The following PRCP variants were observed in gnomAD, a reference collection of about 807,000 sequenced individuals.
PRCP encodes the protein lysosomal Pro-X carboxypeptidase.
A neutral mutation model predicts 54.2 loss-of-function variants in PRCP; 46 were observed. That is an observed-to-expected ratio of 0.85 (90% confidence interval 0.67 to 1.09). The LOEUF (loss-of-function observed/expected upper bound fraction) is 1.09. Among genes scored for constraint, PRCP ranks in the 50% least tolerant of loss-of-function variants. The pLI is 0.00. For missense variants in PRCP, 613 were observed against 596.8 expected, an observed-to-expected ratio of 1.03 and a Z score of -0.28; for synonymous variants, 240 against 212.2, an observed-to-expected ratio of 1.13 and a Z score of -1.14.
chr11:82,870,880 G>A (rs773267920), intron 1 of PRCP, among the ~76,000 whole-genome samples: 2 of 152,178 alleles, frequency 1.3e-5, no homozygotes, highest in African/African-American at 2.4e-5. Context: ...TCTTCATGCA[G>A]CCTGAATATG....
At chr11:82,830,653 A>AAAAAAAAAAAAAAAAAAT (rs1565215932) in intron 8 of PRCP, 1 of 150,706 alleles carries the variant, frequency 6.6e-6, no homozygotes, top group African/African-American at 2.4e-5. Flanking sequence ...AAAAAAAAAA[A>AAAAAAAAAAAAAAAAAAT]AACTACACTC....
intron 8 of PRCP, chr11:82,827,167 C>G (rs943250941): frequency 1.3e-5 from 2 of 152,142 alleles, no homozygotes; most frequent in Admixed American, 1.3e-4. Context: ...GATACAAGTC[C>G]CTTATCAAAT....
At chr11:82,834,379 C>T (rs1858466222) in intron 8 of PRCP, among the ~76,000 whole-genome samples, 1 of 152,214 alleles carries the variant, frequency 6.6e-6, no homozygotes, top group Non-Finnish European at 1.5e-5. Flanking sequence ...CTTAAACATC[C>T]TAAGCAGACG....
chr11:82,843,827 C>A (rs1858733749), intron 6 of PRCP, among the ~76,000 whole-genome samples: 2 of 152,120 alleles, frequency 1.3e-5, no homozygotes, highest in Non-Finnish European at 1.5e-5. Flanking sequence ...AATGATCATT[C>A]CCATTTCACA....
At chr11:82,848,116 T>G (rs1332039420) in intron 6 of PRCP, among the ~76,000 whole-genome samples, 1 of 152,232 alleles carries the variant, frequency 6.6e-6, no homozygotes, top group East Asian at 1.9e-4. Flanking sequence ...AAGGGGTGGT[T>G]AAATTAAAAG....
intron 8 of PRCP, among the ~76,000 whole-genome samples, chr11:82,835,274 T>A (rs1157185843): frequency 6.6e-6 from 1 of 152,058 alleles, no homozygotes; most frequent in East Asian, 1.9e-4. Flanking sequence ...ATAAGAGGCC[T>A]TTTTTTGCAA....
intron 6 of PRCP, chr11:82,840,869 C>G (rs900268457): frequency 6.6e-6 from 1 of 151,874 alleles, no homozygotes; most frequent in Non-Finnish European, 1.5e-5. Context: ...TTGTTCCCAG[C>G]TGTCTCTGGT....
chr11:82,881,355 G>A (rs115245430), intron 1 of PRCP, among the ~76,000 whole-genome samples: 298 of 152,276 alleles, frequency 2.0e-3, no homozygotes, highest in African/African-American at 5.7e-3. Flanking sequence ...CCCGTTCAAC[G>A]TCATCTGAAG....
intron 2 of PRCP, 21 bp downstream of exon 2, chr11:82,859,956 A>G (rs529670054): frequency 1.3e-6 from 2 of 1,539,772 alleles, no homozygotes; most frequent in South Asian, 1.3e-5. Context: ...GAGCACTGGA[A>G]TTTCATGAAT....
At chr11:82,884,325 G>T (rs149886558) in intron 1 of PRCP, among the ~76,000 whole-genome samples, 39 of 152,272 alleles carry the variant, frequency 2.6e-4, no homozygotes, top group African/African-American at 9.1e-4. Context: ...TTGGGAGGCT[G>T]AGTAGGAGGA....
At chr11:82,835,706 G>A in intron 8 of PRCP, 2 of 330,248 alleles carry the variant, frequency 6.1e-6, no homozygotes, top group South Asian at 2.6e-5. Context: ...TGTTCTAGAT[G>A]ACTTGAACTT....
intron 1 of PRCP, among the ~76,000 whole-genome samples, chr11:82,893,019 C>T (rs1860039210): frequency 6.6e-6 from 1 of 152,170 alleles, no homozygotes; most frequent in Non-Finnish European, 1.5e-5. Context: ...GTCATTAGTG[C>T]TGTCTGTCTA....
At chr11:82,837,728 A>T (rs981931966) in intron 8 of PRCP, among the ~76,000 whole-genome samples, 2 of 152,132 alleles carry the variant, frequency 1.3e-5, no homozygotes, top group African/African-American at 4.8e-5. Flanking sequence ...TCAGATACAC[A>T]TGGAGTCTGC....
intron 1 of PRCP, among the ~76,000 whole-genome samples, chr11:82,867,975 C>A (rs1043228925): frequency 2.0e-5 from 3 of 152,134 alleles, no homozygotes; most frequent in African/African-American, 7.2e-5. Context: ...AAAACAGACA[C>A]AGAGGCCAAT....
chr11:82,829,506 G>T (rs144292919), intron 8 of PRCP: 2 of 152,130 alleles, frequency 1.3e-5, no homozygotes, highest in Non-Finnish European at 2.9e-5. Context: ...CCTTGATGAA[G>T]TCTTCCCTGG....
At chr11:82,844,818 TG>T (rs1450451284) in intron 6 of PRCP, among the ~76,000 whole-genome samples, 182 of 150,816 alleles carry the variant, frequency 1.2e-3, no homozygotes, top group African/African-American at 4.3e-3. Context: ...TTCCAACCAC[TG>T]TAACTATATT....
Position 82,898,450 on chromosome 11 carries a change from A to G in PRCP, c.168+1785T>C, listed in dbSNP as rs1025636625. Among the ~76,000 whole-genome samples, 5 of 152,154 alleles carry G rather than the reference A, an allele frequency of 3.3e-5. No homozygotes were observed. The East Asian group carries it at 5.8e-4, about 18-fold the overall frequency. On this transcript the variant is annotated intron_variant, in intron 1 of 8. Transcript: ENST00000313010. The stretch of plus-strand genomic sequence containing the variant: ...ATAGTTCTCTTTTTCATCAATCCCA[A>G]TGGGATTTTAGAGATCTCCCAATCC...
intron 1 of PRCP, among the ~76,000 whole-genome samples, chr11:82,888,621 C>A (rs761660593): frequency 2.0e-5 from 3 of 152,202 alleles, no homozygotes; most frequent in Non-Finnish European, 4.4e-5. Flanking sequence ...TTAATCCTTT[C>A]TCTGTAGATA....
At chr11:82,826,713 A>G (rs1858245205) in intron 8 of PRCP, 1 of 152,238 alleles carries the variant, frequency 6.6e-6, no homozygotes, top group African/African-American at 2.4e-5. Context: ...GATGGTATTT[A>G]AACATCTTAT....
Sources: allele counts gnomAD v4.1 joint callset (sites outside exome capture counted in the v4.1 genomes callset), GRCh38; gene constraint gnomAD v4.1.1; transcripts MANE v1.5; gene names NCBI Gene and HGNC (gene_info 2026-07-23, HGNC 2026-07-21).